Variants in NBPF8 observed in about 807,000 individuals in gnomAD.
NBPF8 encodes NBPF member 8.
upstream of NBPF8, among the ~76,000 whole-genome samples, chr1:120,415,599 G>A (rs1553245054): frequency 1.4e-4 from 21 of 152,266 alleles, no homozygotes; most frequent in Non-Finnish European, 2.4e-4. Flanking sequence ...CCCTGACCCC[G>A]CACCCCACCC....
chr1:120,420,486 C>T (rs1660543299), intron 1 of NBPF8, among the ~76,000 whole-genome samples: 1 of 150,232 alleles, frequency 6.7e-6, no homozygotes, highest in Non-Finnish European at 1.5e-5. Context: ...CTGCTTTCTT[C>T]TCTTCAGCTT....
chr1:120,415,467 C>T (rs1553245016), upstream of NBPF8, among the ~76,000 whole-genome samples: 7 of 152,294 alleles, frequency 4.6e-5, no homozygotes, highest in East Asian at 3.9e-4. Context: ...TTGCCGCTGC[C>T]GCCCGCAGCC....
intron 3 of NBPF8, among the ~76,000 whole-genome samples, chr1:120,428,670 C>A (rs1660788032): frequency 6.6e-6 from 1 of 152,030 alleles, no homozygotes; most frequent in African/African-American, 2.4e-5. Flanking sequence ...GCCCCTGACT[C>A]TGGGGCCATG....
chr1:120,459,692 G>A (rs1349605542), intron 17 of NBPF8, among the ~76,000 whole-genome samples, 162 bp downstream of exon 15: 2 of 151,764 alleles, frequency 1.3e-5, no homozygotes, highest in South Asian at 4.2e-4. Flanking sequence ...CGAGTCTGAA[G>A]CACAGGCATG....
At chr1:120,427,956 A>G (rs1384624399) in intron 3 of NBPF8, among the ~76,000 whole-genome samples, 109 bp downstream of exon 3, 1 of 152,064 alleles carries the variant, frequency 6.6e-6, no homozygotes, top group African/African-American at 2.4e-5. Context: ...TGCTTAGCTG[A>G]GTTTTCTTTG....
intron 2 of NBPF8, among the ~76,000 whole-genome samples, chr1:120,427,059 A>G (rs1660746851): frequency 8.5e-6 from 1 of 118,186 alleles, no homozygotes; most frequent in Non-Finnish European, 1.8e-5. Context: ...TATGGCTCCT[A>G]TTGCACTCAA....
chr1:120,461,488 C>T (rs1661588565), intron 19 of NBPF8, 62 bp downstream of exon 17: 6 of 457,976 alleles, frequency 1.3e-5, no homozygotes, highest in South Asian at 9.2e-5. Context: ...GGTCATATTC[C>T]TACTGCAAGT....
In NBPF8 at chr1:120,420,414, C is replaced by T. The variant is rs1449228329; in HGVS notation, n.269+296C>T. On this transcript the variant is annotated intron_variant and non_coding_transcript_variant, in intron 1 of 28. Coordinates refer to the NBPF8 transcript ENST00000652355. ...ACATCCCACTCCTTGCTCTTCCCCTCTTACCCCCCATTCTCTGCCCCCATT... is the reference window on the plus strand; with the variant it reads ...ACATCCCACTCCTTGCTCTTCCCCTTTTACCCCCCATTCTCTGCCCCCATT... Among the ~76,000 whole-genome samples, 9 of 138,000 alleles carry T rather than the reference C, an allele frequency of 6.5e-5. No individual in the cohort carries two copies. The South Asian group carries it at 1.8e-3, about 28-fold the overall frequency. 90.5% of individuals were successfully genotyped at this position (138,000 alleles called of 152,430 possible). A position where few individuals can be genotyped will look rare whatever the true frequency, so the allele number is the denominator to read the frequency against.
rs1201346558 is a variant in NBPF8 at position 120,449,422 on chromosome 1, C to T, written n.1971+20C>T. On this transcript the variant is annotated intron_variant and non_coding_transcript_variant, in intron 11 of 24. Coordinates refer to ENST00000583271, the Ensembl canonical transcript of NBPF8. ...AATACAGTAAGATCTACAGGCTCACCATCATGAAAGTGATGAATGATATCC... is the reference window on the plus strand; with the variant it reads ...AATACAGTAAGATCTACAGGCTCACTATCATGAAAGTGATGAATGATATCC... 2 of 1,485,466 alleles carry T rather than the reference C, an allele frequency of 1.3e-6. No individual in the cohort carries two copies. Among genetic ancestry groups the T allele is most frequent in the Admixed American group, 3.3e-5 (2 of 59,902 alleles). 92.0% of individuals were successfully genotyped at this position (1,485,466 alleles called of 1,614,324 possible).
chr1:120,461,016 C>CTGTGTGTGTGTGTGTGTGTG (rs202089337), intron 18 of NBPF8, among the ~76,000 whole-genome samples: 3 of 131,208 alleles, frequency 2.3e-5, no homozygotes, highest in African/African-American at 8.5e-5. Context: ...TGAGCTCGAA[C>CTGTGTGTGTGTGTGTGTGTG]TGTGTGTGTG....
intron 1 of NBPF8, among the ~76,000 whole-genome samples, chr1:120,425,399 T>C (rs2101504477): frequency 1.3e-5 from 2 of 152,072 alleles, no homozygotes; most frequent in Non-Finnish European, 2.9e-5. Flanking sequence ...TTTCTGTATA[T>C]GCACATCAAA....
At chr1:120,454,439 T>C (rs1406654323) in intron 15 of NBPF8, among the ~76,000 whole-genome samples, 1 of 151,936 alleles carries the variant, frequency 6.6e-6, no homozygotes, top group Non-Finnish European at 1.5e-5. Context: ...CCCTGAACAA[T>C]GTCCATGGAG....
chr1:120,421,276 G>A lies in NBPF8; in HGVS notation n.269+1158G>A, dbSNP rs1288435971. On this transcript the variant is annotated intron_variant and non_coding_transcript_variant, in intron 1 of 28. Transcript: ENST00000652355. Reference sequence around the variant, plus strand: ...TCTGTCTCCAATAACTAGTTAGCGTGTTCCTGTTAATGGAAAATACTGGTG... The same window carrying A: ...TCTGTCTCCAATAACTAGTTAGCGTATTCCTGTTAATGGAAAATACTGGTG... 4.0e-3 allele frequency among the ~76,000 whole-genome samples: 610 copies of A among 152,294 alleles called. 1 individual carries two copies. Among genetic ancestry groups the A allele is most frequent in the Non-Finnish European group, 6.6e-3 (447 of 68,030 alleles).
chr1:120,423,321 T>G lies in NBPF8; in HGVS notation n.270-2426T>G, dbSNP rs1660622689. On this transcript the variant is annotated intron_variant and non_coding_transcript_variant, in intron 1 of 28. Transcript: ENST00000652355. The stretch of plus-strand genomic sequence containing the variant: ...ATATAACATGCATACCTGGATTTAT[T>G]TATTTTTTTGCATGTGGTTGTCCAG... Among the ~76,000 whole-genome samples, 3 of 107,852 alleles carry G rather than the reference T, an allele frequency of 2.8e-5. 1 individual carries two copies. The allele number at this position is 107,852 out of a possible 152,430, so 70.8% of individuals were successfully genotyped here.
chr1:120,415,082 C>T (rs1171266214), upstream of NBPF8, among the ~76,000 whole-genome samples: 6 of 152,124 alleles, frequency 3.9e-5, no homozygotes, highest in Non-Finnish European at 8.8e-5. Flanking sequence ...GGCTGGGCGG[C>T]GGTTGAGACA....
At chr1:120,420,900 G>T (rs1203471599) in intron 1 of NBPF8, among the ~76,000 whole-genome samples, 4 of 147,038 alleles carry the variant, frequency 2.7e-5, no homozygotes, top group Non-Finnish European at 6.0e-5. Flanking sequence ...AAAGAAAGGG[G>T]CATGGCCTGT....
At chr1:120,464,666 A>G (rs1661693136) in intron 23 of NBPF8, 118 bp downstream of exon 21, 1 of 623,020 alleles carries the variant, frequency 1.6e-6, no homozygotes, top group Non-Finnish European at 2.8e-6. Context: ...GGGAGGACCT[A>G]TAGGCACATG....
intron 12 of NBPF8, 146 bp from the exon 11 acceptor site, chr1:120,451,971 T>C: frequency 1.1e-6 from 1 of 930,912 alleles, no homozygotes; most frequent in East Asian, 2.4e-5. Flanking sequence ...ATTCTTTCTC[T>C]TGGCCACAGA....
upstream of NBPF8, among the ~76,000 whole-genome samples, chr1:120,415,700 G>A (rs1355102963): frequency 2.4e-4 from 37 of 152,332 alleles, no homozygotes; most frequent in Middle Eastern, 0.014. Flanking sequence ...ATTGGCCTCC[G>A]GGATTCTGCT....
Sources: allele counts gnomAD v4.1 joint callset (sites outside exome capture counted in the v4.1 genomes callset), GRCh38; gene constraint gnomAD v4.1.1; transcripts MANE v1.5; gene names NCBI Gene and HGNC (gene_info 2026-07-23, HGNC 2026-07-21).